Variants in CNTNAP4 observed in about 807,000 individuals in gnomAD.
The protein encoded by CNTNAP4 is contactin-associated protein-like 4.
Under a neutral mutation model 148.4 loss-of-function variants are expected in CNTNAP4, and 98 were observed. The observed-to-expected ratio is 0.66, with a 90% CI of 0.56 to 0.78. The LOEUF (loss-of-function observed/expected upper bound fraction) is 0.78, where lower values mean the gene tolerates loss of function less well. Among genes scored for constraint, CNTNAP4 ranks in the 30% least tolerant of loss-of-function variants. The pLI is 0.00. For missense variants in CNTNAP4, 1,935 were observed against 1,565.6 expected (o/e 1.24, Z -3.98); for synonymous variants, 730 against 565.1 (o/e 1.29, Z -4.14).
chr16:76,490,292 C>G (rs549327865), intron 13 of CNTNAP4, among the ~76,000 whole-genome samples: 3 of 152,168 alleles, frequency 2.0e-5, no homozygotes, highest in Non-Finnish European at 4.4e-5. Flanking sequence ...CTACGTGCCT[C>G]TTTCTCATGG....
intron 2 of CNTNAP4, among the ~76,000 whole-genome samples, chr16:76,349,683 T>A (rs1444891024): frequency 2.0e-5 from 3 of 152,186 alleles, no homozygotes; most frequent in Non-Finnish European, 4.4e-5. Context: ...AACTTTCTTA[T>A]GACAATTTTA....
At chr16:76,472,144 G>T (rs1212293187) in intron 10 of CNTNAP4, among the ~76,000 whole-genome samples, 1 of 151,590 alleles carries the variant, frequency 6.6e-6, no homozygotes, top group Non-Finnish European at 1.5e-5. Flanking sequence ...TTAATCAATT[G>T]TCTTATCTTG....
chr16:76,520,252 T>G (rs551256472), intron 15 of CNTNAP4, among the ~76,000 whole-genome samples: 1 of 152,210 alleles, frequency 6.6e-6, no homozygotes, highest in Non-Finnish European at 1.5e-5. Context: ...TGTCAGCTCA[T>G]GCTGTTGCAT....
intron 2 of CNTNAP4, among the ~76,000 whole-genome samples, chr16:76,349,397 G>T (rs1320272937): frequency 6.6e-6 from 1 of 152,090 alleles, no homozygotes; most frequent in African/African-American, 2.4e-5. Context: ...AGAACAGACC[G>T]ACAGCAACAT....
At chr16:76,322,614 T>C (rs758122770) in intron 2 of CNTNAP4, among the ~76,000 whole-genome samples, 20 of 152,182 alleles carry the variant, frequency 1.3e-4, no homozygotes, top group Non-Finnish European at 2.5e-4. Flanking sequence ...GAGATGGTAT[T>C]GTCCTTCTGA....
At chr16:76,434,339 A>G (rs1303171172) in intron 4 of CNTNAP4, among the ~76,000 whole-genome samples, 3 of 152,306 alleles carry the variant, frequency 2.0e-5, no homozygotes, top group Non-Finnish European at 1.5e-5. Context: ...TGGCATTGCC[A>G]GCTGAAAGCA....
At chr16:76,398,831 T>C (rs2078302186) in intron 3 of CNTNAP4, among the ~76,000 whole-genome samples, 1 of 152,142 alleles carries the variant, frequency 6.6e-6, no homozygotes, top group Admixed American at 6.6e-5. Context: ...TAGACACATA[T>C]ATTTGTACAT....
At chr16:76,499,762 TTAACGAGTATGCTG>T (rs2082551930) in intron 15 of CNTNAP4, among the ~76,000 whole-genome samples, 1 of 151,118 alleles carries the variant, frequency 6.6e-6, no homozygotes, top group Non-Finnish European at 1.5e-5. Flanking sequence ...GTGATGACTC[TTAACGAGTATGCTG>T]CCTTCAAGCA....
chr16:76,310,209 G>A (rs1269059541), intron 1 of CNTNAP4, among the ~76,000 whole-genome samples: 1 of 152,088 alleles, frequency 6.6e-6, no homozygotes, highest in Non-Finnish European at 1.5e-5. Flanking sequence ...GTCATGGTAG[G>A]GCGAGGAGAC....
At chr16:76,318,858 A>T (rs1962109012) in intron 2 of CNTNAP4, among the ~76,000 whole-genome samples, 1 of 151,626 alleles carries the variant, frequency 6.6e-6, no homozygotes, top group African/African-American at 2.4e-5. Context: ...GGCTAGGAAA[A>T]AGTGTTCAGC....
At chr16:76,431,280 A>G (rs939217439) in intron 4 of CNTNAP4, among the ~76,000 whole-genome samples, 5 of 152,204 alleles carry the variant, frequency 3.3e-5, no homozygotes, top group African/African-American at 7.2e-5. Context: ...AATTAGGGCT[A>G]TGGGTTAGAG....
chr16:76,357,513 C>T (rs2012842409), intron 3 of CNTNAP4, among the ~76,000 whole-genome samples: 1 of 152,164 alleles, frequency 6.6e-6, no homozygotes. Flanking sequence ...TATCATAATC[C>T]TGTTAAGGTA....
chr16:76,511,447 A>G (rs189041495), intron 15 of CNTNAP4, among the ~76,000 whole-genome samples: 1 of 152,296 alleles, frequency 6.6e-6, no homozygotes, highest in Non-Finnish European at 1.5e-5. Context: ...AACTGGAAAA[A>G]GATATTGACT....
intron 12 of CNTNAP4, among the ~76,000 whole-genome samples, chr16:76,483,926 T>C (rs1187673081): frequency 1.3e-5 from 2 of 152,280 alleles, no homozygotes; most frequent in Non-Finnish European, 2.9e-5. Context: ...ATATATCTTA[T>C]GTTTATTATG....
chr16:76,460,773 A>AAAAAAAAAAAAAATATATATATATAT, intron 8 of CNTNAP4, among the ~76,000 whole-genome samples: 1 of 57,322 alleles, frequency 1.7e-5, no homozygotes. Context: ...AAAAAAAAAA[A>AAAAAAAAAAAAAATATATATATATAT]ATATATATAT....
chr16:76,448,269 G>A (rs1597574621), intron 5 of CNTNAP4, 54 bp downstream of exon 5: 2 of 1,275,782 alleles, frequency 1.6e-6, no homozygotes, highest in East Asian at 4.7e-5. Flanking sequence ...TATCACCTAA[G>A]TCACTTTATG....
intron 3 of CNTNAP4, among the ~76,000 whole-genome samples, chr16:76,356,073 C>G (rs1333971673): frequency 1.3e-5 from 2 of 151,784 alleles, no homozygotes; most frequent in East Asian, 3.9e-4. Context: ...CGGGCTTTCA[C>G]CATGTTGGCC....
intron 8 of CNTNAP4, among the ~76,000 whole-genome samples, chr16:76,454,696 G>C (rs920378369): frequency 6.6e-6 from 1 of 152,108 alleles, no homozygotes; most frequent in Non-Finnish European, 1.5e-5. Flanking sequence ...AGGTCAGCTT[G>C]TTCTCCCAAG....
chr16:76,445,369 G>A (rs2080201086), intron 4 of CNTNAP4, among the ~76,000 whole-genome samples: 1 of 152,116 alleles, frequency 6.6e-6, no homozygotes, highest in African/African-American at 2.4e-5. Context: ...AACACCATGA[G>A]GACAGGGGCC....
Sources: allele counts gnomAD v4.1 joint callset (sites outside exome capture counted in the v4.1 genomes callset), GRCh38; gene constraint gnomAD v4.1.1; transcripts MANE v1.5; gene names NCBI Gene and HGNC (gene_info 2026-07-23, HGNC 2026-07-21).